Variants in NTN5 observed in about 807,000 individuals in gnomAD.
The protein encoded by NTN5 is netrin 5.
In NTN5, 42 loss-of-function variants were observed where a neutral mutation model predicts 38.7. That is an observed-to-expected ratio of 1.08 (90% confidence interval 0.85 to 1.40). NTN5 has a LOEUF of 1.40. Among genes scored for constraint, NTN5 ranks in the 40% most tolerant of loss-of-function variants. The pLI is 0.00. For missense variants in NTN5, 658 were observed against 716.5 expected (o/e 0.92, Z 0.93); for synonymous variants, 329 against 303.9 (o/e 1.08, Z -0.86).
At position 48,663,486 on chromosome 19, in the gene NTN5, C is replaced by G. The variant is rs1170739060; in HGVS notation, c.1082G>C (p.Arg361Pro). 6.2e-7 allele frequency: 1 copy of G among 1,614,146 alleles called. No homozygotes were observed. Among genetic ancestry groups the G allele is most frequent in the Non-Finnish European group, 8.5e-7 (1 of 1,180,002 alleles). The change falls in exon 6 of 7, where the codon CGG becomes CCG. Residue 361 changes from arginine (R) to proline (P), a missense_variant. Transcript: ENST00000270235. ...ACCATGGTCCTGCTGGCAGTACCTC[C>G]GAAGGCTCATGTGTACCCTGGTGTC... Reference protein sequence around the residue: ...MSDTRVHMSLRRYCQQDHVLR... With the variant: ...MSDTRVHMSLPRYCQQDHVLR...
At chr19:48,671,576 C>T (rs2031963160) in intron 1 of NTN5, among the ~76,000 whole-genome samples, 1 of 151,498 alleles carries the variant, frequency 6.6e-6, no homozygotes, top group Non-Finnish European at 1.5e-5. Context: ...GAGGCTCGGA[C>T]TGCCTGGGGG....
At chr19:48,667,815 C>T (rs941663223) in intron 2 of NTN5, among the ~76,000 whole-genome samples, 5 of 152,020 alleles carry the variant, frequency 3.3e-5, no homozygotes, top group African/African-American at 9.7e-5. Context: ...GAGATGGCGC[C>T]ACTGCACTCC....
chr19:48,666,735 G>C (rs1210706941), intron 2 of NTN5, among the ~76,000 whole-genome samples: 1 of 131,850 alleles, frequency 7.6e-6, no homozygotes, highest in Non-Finnish European at 1.6e-5. Flanking sequence ...CCAGGCTGGA[G>C]TGCAGTGGCA....
At chr19:48,667,506 G>A in intron 2 of NTN5, 1 of 213,792 alleles carries the variant, frequency 4.7e-6, no homozygotes, top group Admixed American at 5.9e-5. Context: ...AAAAGATTTG[G>A]CCAAAGAATG....
Position 48,661,712 on chromosome 19 carries a change from G to T in NTN5, c.1435C>A (p.Arg479=). The T allele has an allele frequency of 1.3e-6, 2 of 1,554,922 alleles. No homozygotes were observed. Among genetic ancestry groups the T allele is most frequent in the African/African-American group, 1.4e-5 (1 of 71,112 alleles). ...EERAGGCRGV[R]APTPSPRPEH ...GGCCTGGGACTGGGTGTGGGTGCCC[G>T]CACGCCGCGGCAGCCTCCGGCGCGC... Residue 479 remains arginine, a synonymous_variant, in exon 7 of 7, where the codon CGG becomes AGG. Coordinates refer to ENST00000270235, the MANE Select transcript of NTN5 (RefSeq NM_145807.4).
At chr19:48,663,627 T>G in intron 5 of NTN5, 84 bp from the exon 6 acceptor site, 1 of 1,525,570 alleles carries the variant, frequency 6.6e-7, no homozygotes, top group Non-Finnish European at 9.1e-7. Context: ...CGTTCCATCT[T>G]GATGGCCAGC....
intron 2 of NTN5, among the ~76,000 whole-genome samples, chr19:48,665,537 G>A (rs935122239): frequency 1.4e-4 from 21 of 151,544 alleles, no homozygotes; most frequent in Admixed American, 1.4e-3. Context: ...AGAGTAGGCT[G>A]CATCCAGGCA....
Position 48,661,666 on chromosome 19 carries a change from C to A in NTN5, c.*11G>T. 2.6e-6 allele frequency: 4 copies of A among 1,531,462 alleles called. No homozygotes were observed. The highest frequency in any genetic ancestry group is 3.5e-6 in the Non-Finnish European group (4 of 1,150,290). The allele number at this position is 1,531,462 out of a possible 1,614,324, so 94.9% of individuals were successfully genotyped here. ...TACTTTGTTGGTGCTCGAGGCAGCCCCATCTCACGTCTAGTGCTCCGGCCT... is the reference window on the plus strand; with the variant it reads ...TACTTTGTTGGTGCTCGAGGCAGCCACATCTCACGTCTAGTGCTCCGGCCT... On this transcript the variant is annotated 3_prime_UTR_variant, in exon 7 of 7. Transcript: ENST00000270235.
At position 48,664,743 on chromosome 19, in the gene NTN5, C is replaced by T. The variant is rs199710487; in HGVS notation, c.656G>A (p.Arg219Gln). Residue 219 changes from arginine to glutamine, a missense_variant, in exon 3 of 7, where the codon CGA becomes CAA. Transcript: ENST00000270235. ...CAGCTCAGAGTTGAACCGGCAGCGT[C>T]GGGCGTGCTGGTTGCAGGAGCAGGC... ...CLPCSCNQHARRCRFNSELFR... is the reference protein window; with the variant it reads ...CLPCSCNQHAQRCRFNSELFR... 4.0e-4 allele frequency: 636 copies of T among 1,575,804 alleles called. No homozygotes were observed. The highest frequency in any genetic ancestry group is 5.2e-4 in the Non-Finnish European group (599 of 1,161,600).
chr19:48,666,405 C>T (rs1412926490), intron 2 of NTN5, among the ~76,000 whole-genome samples: 1 of 152,008 alleles, frequency 6.6e-6, no homozygotes, highest in Non-Finnish European at 1.5e-5. Flanking sequence ...CATAGTGGCC[C>T]ACACCTGTAA....
Position 48,662,047 on chromosome 19 carries a change from G to C in NTN5, c.1106-6C>G. On this transcript the variant is annotated splice_polypyrimidine_tract_variant and splice_region_variant and intron_variant, in intron 6 of 6. Transcript: ENST00000270235. ...TAGCACCTGCGCGCGGAGAACTGTG[G>C]GGAGGGGAGATGTCAGCCCAGGTCG... 1 of 1,463,134 alleles carries C rather than the reference G, an allele frequency of 6.8e-7. No homozygotes were observed. Among genetic ancestry groups the C allele is most frequent in the Admixed American group, 2.6e-5 (1 of 38,646 alleles). 90.6% of individuals were successfully genotyped at this position (1,463,134 alleles called of 1,614,324 possible).
chr19:48,663,224 ACT>A (rs1478839529), intron 6 of NTN5: 3 of 639,600 alleles, frequency 4.7e-6, no homozygotes, highest in Non-Finnish European at 2.9e-6. Flanking sequence ...AGATGATGAA[ACT>A]CTGTAAGCCG....
At chr19:48,664,333 C>T in intron 3 of NTN5, 41 bp from the exon 4 acceptor site, 1 of 1,591,972 alleles carries the variant, frequency 6.3e-7, no homozygotes. Flanking sequence ...GTATCAGGGC[C>T]CCAGATGCCC....
rs1322117068 is a variant in NTN5 at position 48,661,893 on chromosome 19, G to A, written c.1254C>T (p.Cys418=). 3 of 1,352,298 alleles carry A rather than the reference G, an allele frequency of 2.2e-6. No individual in the cohort carries two copies. The highest frequency in any genetic ancestry group is 3.1e-5 in the South Asian group (2 of 64,894). 83.8% of individuals were successfully genotyped at this position (1,352,298 alleles called of 1,614,324 possible). Residue 418 remains cysteine, a synonymous_variant, in exon 7 of 7, where the codon TGC becomes TGT. Coordinates refer to ENST00000270235, the MANE Select transcript of NTN5 (RefSeq NM_145807.4). ...TGCCTGGCTGCAGGCGCAGGCAGCC[G>A]CAGGTCAGGTCGGCGCGGGGCACCC... ...DAWVPRADLT[C]GCLRLQPGTD...
intron 1 of NTN5, among the ~76,000 whole-genome samples, chr19:48,672,172 G>A (rs573263887): frequency 6.6e-6 from 1 of 152,158 alleles, no homozygotes; most frequent in Non-Finnish European, 1.5e-5. Flanking sequence ...GAGGAGGAGA[G>A]AGGCAGGAAG....
At chr19:48,669,043 C>T (rs1333956649) in intron 2 of NTN5, among the ~76,000 whole-genome samples, 2 of 138,848 alleles carry the variant, frequency 1.4e-5, no homozygotes, top group Non-Finnish European at 3.2e-5. Context: ...ACTATCATCA[C>T]CACCACCATC....
In NTN5 at chr19:48,670,521, G is replaced by T; in HGVS notation, c.466C>A (p.Arg156Ser). 2 of 1,487,892 alleles carry T rather than the reference G, an allele frequency of 1.3e-6. No homozygotes were observed. The highest frequency in any genetic ancestry group is 1.8e-6 in the Non-Finnish European group (2 of 1,117,104). The allele number at this position is 1,487,892 out of a possible 1,614,324, so 92.2% of individuals were successfully genotyped here. A position where few individuals can be genotyped will look rare whatever the true frequency, so the allele number is the denominator to read the frequency against. The change falls in exon 2 of 7, where the codon CGC becomes AGC. Residue 156 changes from arginine (R) to serine (S), a missense_variant. Transcript: ENST00000270235. Reference sequence around the variant, plus strand: ...GCAGCGTGGCCATGACACTGGCAGCGGCCTCTCAGCCCAGCTGCCGCTAGC... The same window carrying T: ...GCAGCGTGGCCATGACACTGGCAGCTGCCTCTCAGCCCAGCTGCCGCTAGC... ...AGLAAAGLRG[R>S]CQCHGHAARC...
At chr19:48,664,546 C>A in intron 3 of NTN5, 33 bp downstream of exon 3, 1 of 1,546,226 alleles carries the variant, frequency 6.5e-7, no homozygotes, top group South Asian at 1.2e-5. Flanking sequence ...CCTACCTCTG[C>A]TCCCCCCAGG....
chr19:48,661,756 T>C lies in NTN5; in HGVS notation c.1391A>G (p.Lys464Arg). 6.6e-7 allele frequency: 1 copy of C among 1,508,798 alleles called. No homozygotes were observed. Among genetic ancestry groups the C allele is most frequent in the Non-Finnish European group, 8.8e-7 (1 of 1,139,012 alleles). 93.5% of individuals were successfully genotyped at this position (1,508,798 alleles called of 1,614,324 possible). A position where few individuals can be genotyped will look rare whatever the true frequency, so the allele number is the denominator to read the frequency against. Residue 464 changes from lysine (K) to arginine (R), a missense_variant, in exon 7 of 7, where the codon AAG becomes AGG. Transcript: ENST00000270235. ...PWRPRWARPL[K>R]RLQQEERAGG... ...GGCGCGCTCCTCCTGCTGCAGCCGC[T>C]TCAGGGGCCGGGCCCAGCGCGGCCT...
Sources: allele counts gnomAD v4.1 joint callset (sites outside exome capture counted in the v4.1 genomes callset), GRCh38; gene constraint gnomAD v4.1.1; transcripts MANE v1.5; gene names NCBI Gene and HGNC (gene_info 2026-07-23, HGNC 2026-07-21).